Variants in NAV3 observed in about 807,000 individuals in gnomAD.
NAV3 encodes the protein neuron navigator 3, also known as pore membrane and/or filament interacting like protein 1.
In NAV3, 87 loss-of-function variants were observed where a neutral mutation model predicts 244.7. That is an observed-to-expected ratio of 0.36 (90% CI 0.30 to 0.42). The LOEUF is 0.42. NAV3 is among the 20% of genes least tolerant of loss of function. NAV3 has a pLI of 1.00. For missense variants in NAV3, 2,663 were observed against 2,893.3 expected (o/e 0.92, Z 1.83); for synonymous variants, 1,126 against 1,042.2 (o/e 1.08, Z -1.55).
intron 1 of NAV3, among the ~76,000 whole-genome samples, chr12:77,882,921 C>T (rs1882838524): frequency 6.6e-6 from 1 of 151,848 alleles, no homozygotes; most frequent in African/African-American, 2.4e-5. Flanking sequence ...ATTAAAAAGT[C>T]AAAAAACCAC....
chr12:78,077,315 A>G (rs1384050231), intron 12 of NAV3, among the ~76,000 whole-genome samples: 1 of 152,244 alleles, frequency 6.6e-6, no homozygotes, highest in Admixed American at 6.5e-5. Flanking sequence ...TATCTGGGCC[A>G]GAGTTTACAA....
chr12:77,874,649 T>C (rs1186816185), intron 1 of NAV3, among the ~76,000 whole-genome samples: 1 of 152,168 alleles, frequency 6.6e-6, no homozygotes, highest in African/African-American at 2.4e-5. Context: ...ATTGTCTTAT[T>C]AGTGAATGTG....
At chr12:78,015,674 A>T (rs762083935) in intron 8 of NAV3, among the ~76,000 whole-genome samples, 3 of 152,064 alleles carry the variant, frequency 2.0e-5, no homozygotes, top group African/African-American at 4.8e-5. Context: ...AGTTGTATGT[A>T]ATAGGTATTT....
At chr12:77,984,593 A>G (rs2928003) in intron 5 of NAV3, among the ~76,000 whole-genome samples, 127,329 of 151,942 alleles carry the variant, frequency 0.84, 53,569 homozygotes, top group East Asian at 0.98. Context: ...CATTTAACAG[A>G]TGAGAAACTA....
intron 2 of NAV3, among the ~76,000 whole-genome samples, chr12:77,716,626 C>A (rs1234898093): frequency 6.6e-6 from 1 of 151,788 alleles, no homozygotes; most frequent in Non-Finnish European, 1.5e-5. Flanking sequence ...AAGTTATTTT[C>A]TTGCCCAGGA....
chr12:77,972,048 A>G (rs879818073), intron 5 of NAV3, among the ~76,000 whole-genome samples: 4 of 152,226 alleles, frequency 2.6e-5, no homozygotes, highest in Admixed American at 1.3e-4. Context: ...TGAAATATAC[A>G]GGAGAAAAAA....
chr12:77,844,453 A>G (rs1025351361), intron 1 of NAV3, among the ~76,000 whole-genome samples: 13 of 152,216 alleles, frequency 8.5e-5, no homozygotes, highest in Middle Eastern at 3.2e-3. Context: ...GACCATAGCA[A>G]TGCCCAAAGC....
At chr12:77,848,314 CAGGG>C (rs1456049652) in intron 1 of NAV3, among the ~76,000 whole-genome samples, 2 of 152,142 alleles carry the variant, frequency 1.3e-5, no homozygotes, top group African/African-American at 4.8e-5. Context: ...GTGTCTCAGA[CAGGG>C]AGGAAGAATG....
At chr12:77,617,255 A>T (rs191223230) in intron 2 of NAV3, among the ~76,000 whole-genome samples, 2 of 152,178 alleles carry the variant, frequency 1.3e-5, no homozygotes, top group African/African-American at 2.4e-5. Context: ...GATGTTCCCC[A>T]GTGATCCCCA....
At chr12:78,120,335 T>C (rs191438634) in intron 15 of NAV3, among the ~76,000 whole-genome samples, 1 of 152,320 alleles carries the variant, frequency 6.6e-6, no homozygotes, top group Non-Finnish European at 1.5e-5. Context: ...TTTCATGACT[T>C]TTGGCATTCA....
chr12:78,199,001 T>TA, intron 36 of NAV3: 1 of 498,412 alleles, frequency 2.0e-6, no homozygotes, highest in South Asian at 1.9e-5. Flanking sequence ...AAGTAGAGCA[T>TA]ATTCCTTCTA....
At chr12:78,016,045 T>A (rs1005380948) in intron 8 of NAV3, among the ~76,000 whole-genome samples, 3 of 152,148 alleles carry the variant, frequency 2.0e-5, no homozygotes, top group Non-Finnish European at 2.9e-5. Flanking sequence ...CCTTTCCAAC[T>A]GCCCTATCAC....
chr12:78,116,376 A>G (rs1955378765), intron 12 of NAV3, among the ~76,000 whole-genome samples: 1 of 152,212 alleles, frequency 6.6e-6, no homozygotes. Flanking sequence ...TGACTACAGC[A>G]CAAGTTTTGG....
intron 1 of NAV3, among the ~76,000 whole-genome samples, chr12:77,862,566 A>G (rs1213027829): frequency 6.6e-6 from 1 of 151,820 alleles, no homozygotes; most frequent in Admixed American, 6.6e-5. Context: ...AAAGGAGAAA[A>G]CGTTTATTAA....
At position 77,938,787 on chromosome 12, in the gene NAV3, T is replaced by C. The variant is rs116405976; in HGVS notation, c.244-1532T>C. Among the ~76,000 whole-genome samples the C allele has an allele frequency of 8.2e-3, 1,253 of 152,214 alleles. 20 individuals carry two copies. The highest frequency in any genetic ancestry group is 0.029 in the African/African-American group (1,196 of 41,532). Reference sequence around the variant, plus strand: ...AGTCAAATATCTATCAACTGGGGGATTGATATATATAATGCAATATTAAAA... The same window carrying C: ...AGTCAAATATCTATCAACTGGGGGACTGATATATATAATGCAATATTAAAA... On this transcript the variant is annotated intron_variant, in intron 1 of 39. Coordinates refer to ENST00000397909, the MANE Select transcript of NAV3 (RefSeq NM_001024383.2).
intron 3 of NAV3, among the ~76,000 whole-genome samples, chr12:77,955,333 C>T (rs1891265736): frequency 6.6e-6 from 1 of 152,146 alleles, no homozygotes. Flanking sequence ...CCTCCTTCAG[C>T]AAAACCTTCC....
rs71088371 is a variant in NAV3 at position 78,198,918 on chromosome 12, C to CAA, written c.6518+256_6518+257dup. On this transcript the variant is annotated intron_variant, in intron 36 of 39. Coordinates refer to ENST00000397909, the MANE Select transcript of NAV3 (RefSeq NM_001024383.2). ...TCAGATGTGTTTCTTTAAACAAAAA[C>CAA]AAAAAAAAAAAAAAAGGAAAGAAAA... Among the ~76,000 whole-genome samples the CAA allele has an allele frequency of 3.4e-3, 337 of 99,462 alleles. 4 individuals are homozygous for CAA. The highest frequency in any genetic ancestry group is 7.4e-3 in the South Asian group (18 of 2,424). The allele number at this position is 99,462 out of a possible 152,430, so 65.3% of individuals were successfully genotyped here.
chr12:78,127,812 C>T (rs1194664136), intron 17 of NAV3, among the ~76,000 whole-genome samples: 2 of 151,710 alleles, frequency 1.3e-5, no homozygotes, highest in Non-Finnish European at 2.9e-5. Context: ...TGCAGGGGTA[C>T]TGCTATCAGA....
chr12:77,673,948 T>A (rs1874097598), intron 2 of NAV3, among the ~76,000 whole-genome samples: 1 of 152,192 alleles, frequency 6.6e-6, no homozygotes, highest in Non-Finnish European at 1.5e-5. Flanking sequence ...ATACACTGCA[T>A]ATGTTTTTGT....
Sources: allele counts gnomAD v4.1 joint callset (sites outside exome capture counted in the v4.1 genomes callset), GRCh38; gene constraint gnomAD v4.1.1; transcripts MANE v1.5; gene names NCBI Gene and HGNC (gene_info 2026-07-23, HGNC 2026-07-21).